The following CDH12 variants were observed in gnomAD, a reference collection of about 807,000 sequenced individuals.
CDH12 encodes the protein cadherin 12, also known as cadherin-12.
A neutral mutation model predicts 74.1 loss-of-function variants in CDH12; 41 were observed. The ratio of observed to expected loss-of-function variants is 0.55; its 90% CI spans 0.43 to 0.72. The LOEUF is 0.72. Among genes scored for constraint, CDH12 ranks in the 30% least tolerant of loss-of-function variants. The pLI, the probability that CDH12 is intolerant of heterozygous loss-of-function variation, is 0.00. For synonymous variants in CDH12, 399 were observed against 355.0 expected (o/e 1.12, Z -1.39); for missense variants, 945 against 977.2 (o/e 0.97, Z 0.44).
At chr5:22,054,353 C>A (rs572794203) in intron 5 of CDH12, among the ~76,000 whole-genome samples, 5 of 152,108 alleles carry the variant, frequency 3.3e-5, no homozygotes, top group Non-Finnish European at 7.4e-5. Context: ...ATATAGATAT[C>A]TGGTAGAGAT....
intron 6 of CDH12, among the ~76,000 whole-genome samples, chr5:21,880,617 T>TTTCTTTC (rs1752259965): frequency 1.9e-5 from 1 of 53,936 alleles, no homozygotes; most frequent in African/African-American, 8.3e-5. Context: ...CCTTCCTTCC[T>TTTCTTTC]TCTTTCTTTC....
rs186326828 is a variant in CDH12 at position 22,786,215 on chromosome 5, C to T, written c.-523+66843G>A. Among the ~76,000 whole-genome samples the T allele has an allele frequency of 6.6e-5, 10 of 152,240 alleles. No individual in the cohort carries two copies. The East Asian group carries it at 1.9e-3, about 29-fold the overall frequency. ...GATCCTTAGCAAACTAATGCAGGAA[C>T]AGAAAAACAAATTTTTCATGTTCTC... On this transcript the variant is annotated intron_variant, in intron 1 of 14. Transcript: ENST00000382254.
chr5:22,697,524 A>G (rs1352364042), intron 1 of CDH12, among the ~76,000 whole-genome samples: 1 of 148,854 alleles, frequency 6.7e-6, no homozygotes, highest in Non-Finnish European at 1.5e-5. Context: ...GTGAGCCGAG[A>G]TAGCACCACT....
At chr5:22,420,448 G>T (rs76045446) in intron 2 of CDH12, among the ~76,000 whole-genome samples, 1 of 152,024 alleles carries the variant, frequency 6.6e-6, no homozygotes, top group Non-Finnish European at 1.5e-5. Flanking sequence ...CCCATTGTTT[G>T]TTTTTGTCAG....
At chr5:22,239,713 A>C (rs1416217248) in intron 3 of CDH12, among the ~76,000 whole-genome samples, 1 of 152,226 alleles carries the variant, frequency 6.6e-6, no homozygotes, top group Non-Finnish European at 1.5e-5. Context: ...TTCAGGTGGC[A>C]ACAGTGAAGT....
At chr5:22,043,056 G>C (rs1739688465) in intron 5 of CDH12, among the ~76,000 whole-genome samples, 1 of 151,882 alleles carries the variant, frequency 6.6e-6, no homozygotes, top group Non-Finnish European at 1.5e-5. Context: ...ACTTTTTTCA[G>C]AAAATTACAG....
At chr5:22,066,067 C>G (rs1427496320) in intron 5 of CDH12, among the ~76,000 whole-genome samples, 1 of 152,072 alleles carries the variant, frequency 6.6e-6, no homozygotes, top group Non-Finnish European at 1.5e-5. Context: ...AGTTTATAGA[C>G]CCAAAATCCC....
At chr5:22,111,290 TG>T (rs1159966885) in intron 4 of CDH12, among the ~76,000 whole-genome samples, 1 of 152,142 alleles carries the variant, frequency 6.6e-6, no homozygotes, top group African/African-American at 2.4e-5. Context: ...ACTAACAAAA[TG>T]GGCTAAAGAG....
chr5:22,421,084 C>G (rs1281200962), intron 2 of CDH12, among the ~76,000 whole-genome samples: 2 of 152,060 alleles, frequency 1.3e-5, no homozygotes, highest in Non-Finnish European at 2.9e-5. Flanking sequence ...GCTTAAGAAG[C>G]TTTTGGGCTG....
intron 8 of CDH12, among the ~76,000 whole-genome samples, chr5:21,833,293 A>AATATATATTATATGTTATATAAC (rs1749287390): frequency 1.8e-5 from 1 of 56,616 alleles, no homozygotes; most frequent in Non-Finnish European, 2.5e-5. Flanking sequence ...TATAACATAT[A>AATATATATTATATGTTATATAAC]ATATATATTA....
Position 22,007,121 on chromosome 5 carries a change from T to C in CDH12, c.232-31736A>G, listed in dbSNP as rs190707790. 4.6e-3 allele frequency among the ~76,000 whole-genome samples: 704 copies of C among 152,222 alleles called. 9 individuals carry two copies. Among genetic ancestry groups the C allele is most frequent in the African/African-American group, 0.016 (674 of 41,554 alleles). On this transcript the variant is annotated intron_variant, in intron 5 of 14. Transcript: ENST00000382254. The stretch of plus-strand genomic sequence containing the variant: ...AGAAAATCTCTATTCTTGGATTGCA[T>C]AGGAAAAATCTAGTGTAACAGTAGA...
At chr5:22,178,764 GAA>G (rs1749475307) in intron 4 of CDH12, among the ~76,000 whole-genome samples, 1 of 152,178 alleles carries the variant, frequency 6.6e-6, no homozygotes. Flanking sequence ...ACTATACCAA[GAA>G]AAGATATAAT....
At chr5:22,377,779 A>G (rs1466964387) in intron 3 of CDH12, among the ~76,000 whole-genome samples, 1 of 152,190 alleles carries the variant, frequency 6.6e-6, no homozygotes, top group African/African-American at 2.4e-5. Flanking sequence ...AAAGCTGGAG[A>G]GAGAAGGGCT....
rs559397046 is a variant in CDH12 at position 21,882,706 on chromosome 5, G to A, written c.527-27916C>T. ...TTGGTGCAGATGCCCGAGCCTTAAT[G>A]CTTCAAGGTGTAGGTAGACCTTTTA... On this transcript the variant is annotated intron_variant, in intron 6 of 14. Transcript: ENST00000382254. 1.6e-5 allele frequency: 24 copies of A among 1,470,168 alleles called. No homozygotes were observed. The Admixed American group carries it at 4.4e-4, about 27-fold the overall frequency. The allele number at this position is 1,470,168 out of a possible 1,614,324, so 91.1% of individuals were successfully genotyped here. A position where few individuals can be genotyped will look rare whatever the true frequency, so the allele number is the denominator to read the frequency against.
At chr5:22,337,245 G>A (rs547522234) in intron 3 of CDH12, among the ~76,000 whole-genome samples, 2 of 152,274 alleles carry the variant, frequency 1.3e-5, no homozygotes, top group South Asian at 4.1e-4. Context: ...ATAGGCAGAA[G>A]GGACACGCCT....
intron 1 of CDH12, among the ~76,000 whole-genome samples, chr5:22,542,574 G>A (rs1738153742): frequency 6.6e-6 from 1 of 152,152 alleles, no homozygotes; most frequent in African/African-American, 2.4e-5. Context: ...ACTTCCTTAA[G>A]AGTAGCACTT....
chr5:22,691,917 T>A (rs990321055), intron 1 of CDH12, among the ~76,000 whole-genome samples: 3 of 152,158 alleles, frequency 2.0e-5, no homozygotes, highest in African/African-American at 7.2e-5. Context: ...AAGAAATACA[T>A]GTTTTTCTTT....
intron 3 of CDH12, among the ~76,000 whole-genome samples, chr5:22,258,497 T>C (rs550593542): frequency 6.6e-6 from 1 of 151,562 alleles, no homozygotes; most frequent in Non-Finnish European, 1.5e-5. Flanking sequence ...AGTAAAACCA[T>C]CTCTGCATAG....
chr5:21,790,343 T>G (rs1472481210), intron 10 of CDH12, among the ~76,000 whole-genome samples: 1 of 152,090 alleles, frequency 6.6e-6, no homozygotes, highest in Non-Finnish European at 1.5e-5. Context: ...TAGTTATGTG[T>G]TTCTGTATAT....
Sources: gnomAD v4.1 joint callset for allele counts (sites outside exome capture counted in the v4.1 genomes callset) on GRCh38, gnomAD v4.1.1 for gene constraint, MANE v1.5 for transcripts, NCBI Gene and HGNC (gene_info 2026-07-23, HGNC 2026-07-21) for gene names.